ACBD4: variants seen among roughly 807,000 people sequenced by gnomAD.
ACBD4 encodes acyl-CoA binding domain containing 4.
ACBD4 carries 41 observed loss-of-function variants against 46.0 expected under a neutral mutation model. That is an observed-to-expected ratio of 0.89 (90% CI 0.69 to 1.16). The LOEUF is 1.16. ACBD4 is among the 50% of genes most tolerant of loss of function. The pLI, the probability that ACBD4 is intolerant of heterozygous loss-of-function variation, is 0.00. For synonymous variants in ACBD4, 162 were observed against 155.9 expected, an observed-to-expected ratio of 1.04 and a Z score of -0.29; for missense variants, 393 against 399.5, an observed-to-expected ratio of 0.98 and a Z score of 0.14.
rs564309161 is a variant in ACBD4 at position 45,137,917 on chromosome 17, G to A, written c.578G>A (p.Trp193Ter). 6 of 1,609,108 alleles carry A rather than the reference G, an allele frequency of 3.7e-6. No homozygotes were observed. The African/African-American group carries it at 6.7e-5, about 18-fold the overall frequency. ...SLEQLEPELV[W>*]TEQRAASGGK... ...CTCTCTGACTCATCTCAGCAGGTTTGGACAGAGCAGCGGGCAGCATCTGGA... is the reference window on the plus strand; with the variant it reads ...CTCTCTGACTCATCTCAGCAGGTTTAGACAGAGCAGCGGGCAGCATCTGGA... Residue 193 changes from tryptophan to a stop codon, truncating the protein, a stop_gained, in exon 8 of 10, where the codon TGG (tryptophan) becomes TAG (stop). Transcript: ENST00000321854. LOFTEE classifies it high-confidence loss of function.
rs1324521224 is a variant in ACBD4, at chr17:45,136,170, A to G, written c.26A>G (p.Glu9Gly). Residue 9 changes from glutamate (E) to glycine (G), a missense_variant, in exon 2 of 10, where the codon GAG becomes GGG. By Grantham distance (98) the Glu-to-Gly change is moderately conservative. Coordinates refer to ENST00000321854, the MANE Select transcript of ACBD4 (RefSeq NM_001135705.3). MGTEKESP[E>G]PDCQKQFQAA... ...ATGGGCACCGAGAAAGAAAGCCCAG[A>G]GCCCGACTGCCAGAAACAGTTCCAG... 6.2e-7 allele frequency: 1 copy of G among 1,613,642 alleles called. No individual in the cohort carries two copies. The highest frequency in any genetic ancestry group is 8.5e-7 in the Non-Finnish European group (1 of 1,179,844).
chr17:45,139,854 C>G (rs2055151996), intron 9 of ACBD4, among the ~76,000 whole-genome samples: 2 of 152,224 alleles, frequency 1.3e-5, no homozygotes, highest in African/African-American at 4.8e-5. Context: ...AAACAGAAAG[C>G]CTTCTCCAGT....
Position 45,135,935 on chromosome 17 carries a change from C to A in ACBD4, c.-56C>A. Reference sequence around the variant, plus strand: ...TGCCTCGCCACCTGGCGACCCTGACCCCACCACACTGCCTTGAGGTAGGAA... The same window carrying A: ...TGCCTCGCCACCTGGCGACCCTGACACCACCACACTGCCTTGAGGTAGGAA... On this transcript the variant is annotated 5_prime_UTR_variant, in exon 1 of 10. Transcript: ENST00000321854. 1.8e-6 allele frequency: 1 copy of A among 565,848 alleles called. No individual in the cohort carries two copies. Among genetic ancestry groups the A allele is most frequent in the Non-Finnish European group, 3.1e-6 (1 of 318,366 alleles). The allele number at this position is 565,848 out of a possible 1,614,324, so 35.1% of individuals were successfully genotyped here.
chr17:45,135,406 G>C (rs576103129), upstream of ACBD4: 38 of 152,166 alleles, frequency 2.5e-4, no homozygotes, highest in African/African-American at 8.9e-4. Context: ...TCAGCGAACA[G>C]ATGCGGATTT....
Position 45,143,485 on chromosome 17 carries a change from C to T in ACBD4, c.832C>T (p.Leu278Phe). ...RPSARPWPLGLPGPALLFFLL... is the reference protein window; with the variant it reads ...RPSARPWPLGFPGPALLFFLL... The stretch of plus-strand genomic sequence containing the variant: ...CAGTGCTCGGCCATGGCCCCTTGGG[C>T]TCCCGGGGCCCGCGCTGCTCTTCTT... The change falls in exon 10 of 10, where the codon CTC (leucine) becomes TTC (phenylalanine). Residue 278 changes from leucine to phenylalanine, a missense_variant. By Grantham distance (22) the Leu-to-Phe change is conservative (BLOSUM62 0). This residue lies in a region of ACBD4 where 308 missense variants were observed against 301.8 expected (regional missense o/e 1.02). Transcript: ENST00000321854. The T allele has an allele frequency of 6.2e-7, 1 of 1,613,380 alleles. No homozygotes were observed. The highest frequency in any genetic ancestry group is 8.5e-7 in the Non-Finnish European group (1 of 1,179,952).
intron 9 of ACBD4, among the ~76,000 whole-genome samples, chr17:45,139,716 C>T (rs747329350): frequency 6.6e-6 from 1 of 152,186 alleles, no homozygotes; most frequent in Admixed American, 6.5e-5. Context: ...TTCTTTTCAC[C>T]TCCCTTTTAG....
At chr17:45,132,480 G>C, upstream of ACBD4, 2 of 985,392 alleles carry the variant, frequency 2.0e-6, no homozygotes, top group South Asian at 9.8e-5. This position sits in a 1 kb window ranked among gnomAD's most constrained non-coding sequence, Gnocchi z 4.6. Context: ...CGCCGCTCTG[G>C]CCCGGCCCCG....
rs1476946094 is a variant in ACBD4, at chr17:45,137,135, C to T, written c.411C>T (p.Val137=). 3.1e-6 allele frequency: 5 copies of T among 1,613,972 alleles called. No homozygotes were observed. In the African/African-American group the frequency reaches 5.3e-5, roughly 17 times the overall value. ...CCCCAGAGACCTTCCTGAGAAGGGT[C>T]ACAGGTCAGACTCCCAGGCTGGGAG... ...PRPPETFLRR[V]TGWKEQVVNG... is the part of the protein sequence containing the mutation. The change falls in exon 5 of 10, where the codon GTC becomes GTT. Residue 137 remains valine (V), a synonymous_variant. Transcript: ENST00000321854.
chr17:45,132,396 G>A, upstream of ACBD4: 1 of 1,223,494 alleles, frequency 8.2e-7, no homozygotes, highest in Non-Finnish European at 1.0e-6. The surrounding 1 kb of genome is among the most constrained non-coding windows in gnomAD (Gnocchi z 4.6). Context: ...AACGCCTCCA[G>A]CGGCCGCACA....
At chr17:45,133,725 G>T (rs1211112598), upstream of ACBD4, among the ~76,000 whole-genome samples, 2 of 151,156 alleles carry the variant, frequency 1.3e-5, no homozygotes, top group African/African-American at 4.9e-5. Context: ...TAGAGACGGG[G>T]TTTCACCGTT....
In ACBD4 at chr17:45,139,037, C is replaced by T; in HGVS notation, c.666C>T (p.Ser222=). Residue 222 remains serine, a synonymous_variant, in exon 9 of 10, where the codon AGC becomes AGT. Transcript: ENST00000321854. ...PPTKKEGLRG[S]PPGPQELDVW... The stretch of plus-strand genomic sequence containing the variant: ...GCTCCGCAGAGGGGTTGCGGGGCAG[C>T]CCGCCGGGGCCCCAGGAGTTGGACG... 8.1e-6 allele frequency: 13 copies of T among 1,613,278 alleles called. No homozygotes were observed. Among genetic ancestry groups the T allele is most frequent in the Non-Finnish European group, 1.1e-5 (13 of 1,180,002 alleles).
intron 1 of ACBD4, 48 bp downstream of exon 1, chr17:45,136,001 T>C: frequency 1.4e-6 from 1 of 738,956 alleles, no homozygotes; most frequent in Non-Finnish European, 2.2e-6. Context: ...TCCCAGGGTG[T>C]CTGAGGCCTC....
upstream of ACBD4, chr17:45,132,448 A>T: frequency 2.6e-6 from 3 of 1,162,094 alleles, no homozygotes; most frequent in Non-Finnish European, 3.2e-6. The surrounding 1 kb of genome is among the most constrained non-coding windows in gnomAD (Gnocchi z 4.6). Context: ...CGGGGTCTGC[A>T]CGCGGGGACA....
At chr17:45,142,050 C>A (rs1487713482) in intron 9 of ACBD4, among the ~76,000 whole-genome samples, 2 of 152,020 alleles carry the variant, frequency 1.3e-5, no homozygotes, top group Non-Finnish European at 2.9e-5. Context: ...AGTGGAAAGG[C>A]AAGATAAATA....
chr17:45,136,841 C>A (rs935952100), intron 4 of ACBD4, 65 bp downstream of exon 4: 1 of 1,600,034 alleles, frequency 6.2e-7, no homozygotes, highest in African/African-American at 1.3e-5. Flanking sequence ...CCAGTTCTGA[C>A]CCCCACTACG....
Position 45,139,224 on chromosome 17 carries a change from T to A in ACBD4, c.789+64T>A. 2.5e-6 allele frequency: 4 copies of A among 1,571,126 alleles called. No individual in the cohort carries two copies. In the South Asian group the frequency reaches 4.4e-5, roughly 17 times the overall value. On this transcript the variant is annotated intron_variant, in intron 9 of 9. Transcript: ENST00000321854. ...ATCCGGTCTTTATTCTGGGCTCCTCTTCCAGCCACTTTTGTTTTTGTCCTC... is the reference window on the plus strand; with the variant it reads ...ATCCGGTCTTTATTCTGGGCTCCTCATCCAGCCACTTTTGTTTTTGTCCTC...
intron 9 of ACBD4, among the ~76,000 whole-genome samples, chr17:45,140,534 G>A (rs1028561565): frequency 6.2e-5 from 9 of 145,366 alleles, no homozygotes; most frequent in African/African-American, 1.5e-4. Flanking sequence ...AGATTTTAAA[G>A]TAGATTACAG....
At chr17:45,142,800 C>T (rs2055376391) in intron 9 of ACBD4, 1 of 154,274 alleles carries the variant, frequency 6.5e-6, no homozygotes, top group African/African-American at 2.4e-5. Context: ...CTCGTGACCA[C>T]CTGCCTCGGC....
upstream of ACBD4, among the ~76,000 whole-genome samples, chr17:45,134,904 TC>T (rs142467173): frequency 6.6e-6 from 1 of 151,032 alleles, no homozygotes; most frequent in South Asian, 2.1e-4. Flanking sequence ...TGTACCCATT[TC>T]CCCCCCTCCC....
Sources: gnomAD v4.1 joint callset for allele counts (sites outside exome capture counted in the v4.1 genomes callset) on GRCh38, gnomAD v4.1.1 for gene constraint, gnomAD v4.1.1 regional missense constraint, Gnocchi (gnomAD v3.1) non-coding constraint, MANE v1.5 for transcripts, NCBI Gene and HGNC (gene_info 2026-07-23, HGNC 2026-07-21) for gene names.